The following PREX1 variants were observed in gnomAD, a reference collection of about 807,000 sequenced individuals.
The protein encoded by PREX1 is phosphatidylinositol-3,4,5-trisphosphate dependent Rac exchange factor 1.
Under a neutral mutation model 198.3 loss-of-function variants are expected in PREX1, and 41 were observed. The ratio of observed to expected loss-of-function variants is 0.21; its 90% CI spans 0.16 to 0.27. PREX1 has a LOEUF of 0.27. PREX1 is among the 10% of genes least tolerant of loss of function. The probability of loss-of-function intolerance (pLI) is 1.00; values close to 1 mark genes in which losing one functional copy is unlikely to be tolerated. For synonymous variants in PREX1, 843 were observed against 887.2 expected (o/e 0.95, Z 0.89); for missense variants, 1,620 against 2,200.7 (o/e 0.74, Z 5.28).
At chr20:48,813,421 G>A (rs1013604090) in intron 1 of PREX1, among the ~76,000 whole-genome samples, 9 of 152,224 alleles carry the variant, frequency 5.9e-5, no homozygotes, top group Non-Finnish European at 1.0e-4. Context: ...GTGGGGATGG[G>A]CGAGGAGATG....
At chr20:48,857,136 G>T in the PREX1 span, among the ~76,000 whole-genome samples, 1 of 152,184 alleles carries the variant, frequency 6.6e-6, no homozygotes, top group East Asian at 1.9e-4. Flanking sequence ...ACGGTGCCCA[G>T]CCTACCCCTA....
chr20:48,642,223 G>A lies in PREX1; in HGVS notation c.3720C>T (p.Val1240=), dbSNP rs78552395. 4.7e-3 allele frequency: 7,598 copies of A among 1,614,232 alleles called. 211 individuals are homozygous for A. The East Asian group carries it at 0.079, about 17-fold the overall frequency. The change falls in exon 29 of 40, where the codon GTC becomes GTT. Residue 1240 remains valine, a synonymous_variant. Transcript: ENST00000371941. Reference sequence around the variant, plus strand: ...TGGTCTCTTCGAAAGCCCGGCTCATGACTGGCCCCTTGAGGAGAGCATTGA... The same window carrying A: ...TGGTCTCTTCGAAAGCCCGGCTCATAACTGGCCCCTTGAGGAGAGCATTGA... ...DSINALLKGP[V]MSRAFEETKH...
chr20:48,632,459 C>T, intron 34 of PREX1, 37 bp downstream of exon 34: 1 of 1,613,466 alleles, frequency 6.2e-7, no homozygotes, highest in Non-Finnish European at 8.5e-7. Flanking sequence ...CTTGGCCCGG[C>T]CCCCGTGGTC....
intron 5 of PREX1, among the ~76,000 whole-genome samples, chr20:48,722,434 T>C (rs2089990376): frequency 1.3e-5 from 2 of 152,144 alleles, no homozygotes; most frequent in East Asian, 1.9e-4. Context: ...AGTAGACAAG[T>C]GGTCGGCAGG....
intron 15 of PREX1, among the ~76,000 whole-genome samples, chr20:48,662,712 A>C (rs1459037983): frequency 6.6e-6 from 1 of 152,104 alleles, no homozygotes; most frequent in African/African-American, 2.4e-5. Context: ...CCTGCACCTC[A>C]CCCTGTATTT....
chr20:48,865,454 A>G, the PREX1 span, among the ~76,000 whole-genome samples: 1 of 152,188 alleles, frequency 6.6e-6, no homozygotes, highest in African/African-American at 2.4e-5. Flanking sequence ...GTCTCCATGT[A>G]TTGCAATTGA....
chr20:48,800,581 C>G (rs2090382003), intron 1 of PREX1, among the ~76,000 whole-genome samples: 1 of 152,176 alleles, frequency 6.6e-6, no homozygotes, highest in South Asian at 2.1e-4. Flanking sequence ...CTTTCCCTCC[C>G]TCATGTCACA....
intron 1 of PREX1, among the ~76,000 whole-genome samples, chr20:48,760,362 T>A (rs1377932942): frequency 6.6e-6 from 1 of 152,066 alleles, no homozygotes; most frequent in Non-Finnish European, 1.5e-5. Context: ...ACTGCCTGCT[T>A]CCGAGTCTCC....
At chr20:48,720,685 C>T (rs897774779) in intron 5 of PREX1, among the ~76,000 whole-genome samples, 7 of 152,052 alleles carry the variant, frequency 4.6e-5, no homozygotes, top group Admixed American at 4.6e-4. Flanking sequence ...GTCCATGCTC[C>T]GGGAAACACG....
At chr20:48,648,576 A>G (rs995202133) in intron 25 of PREX1, among the ~76,000 whole-genome samples, 1 of 152,176 alleles carries the variant, frequency 6.6e-6, no homozygotes, top group African/African-American at 2.4e-5. Flanking sequence ...CCTCAATACC[A>G]TCAAGCACCC....
At chr20:48,870,379 C>G in the PREX1 span, among the ~76,000 whole-genome samples, 1 of 152,214 alleles carries the variant, frequency 6.6e-6, no homozygotes, top group East Asian at 1.9e-4. Flanking sequence ...TGTTGAGTGA[C>G]TCGCCTCAAG....
the PREX1 span, among the ~76,000 whole-genome samples, chr20:48,878,589 C>T: frequency 6.6e-6 from 1 of 152,220 alleles, no homozygotes; most frequent in Non-Finnish European, 1.5e-5. Flanking sequence ...CCATCCGCCT[C>T]AGCCTCCCAA....
chr20:48,870,059 A>G, the PREX1 span, among the ~76,000 whole-genome samples: 49 of 152,266 alleles, frequency 3.2e-4, no homozygotes, highest in Middle Eastern at 0.01. Context: ...CCTCCTACAT[A>G]TATATTTTTC....
chr20:48,747,947 A>C, intron 1 of PREX1, 67 bp from the exon 2 acceptor site: 5 of 1,422,324 alleles, frequency 3.5e-6, no homozygotes, highest in Non-Finnish European at 4.9e-6. Flanking sequence ...GGCCCTACAG[A>C]AGGCTCTCAA....
chr20:48,874,318 CTGT>C, the PREX1 span, among the ~76,000 whole-genome samples: 75 of 151,648 alleles, frequency 4.9e-4, 1 homozygote, highest in Admixed American at 4.7e-3. Flanking sequence ...ACCACAAAAC[CTGT>C]TGTTATCAGC....
intron 27 of PREX1, 77 bp from the exon 28 acceptor site, chr20:48,642,566 G>T: frequency 7.7e-7 from 1 of 1,300,338 alleles, no homozygotes; most frequent in Non-Finnish European, 1.1e-6. Context: ...TCCTAAGAGG[G>T]GGATACAGCT....
At chr20:48,784,823 G>C (rs1236335919) in intron 1 of PREX1, among the ~76,000 whole-genome samples, 1 of 152,170 alleles carries the variant, frequency 6.6e-6, no homozygotes, top group Non-Finnish European at 1.5e-5. Flanking sequence ...ACAGCTCCCT[G>C]TGTGTAGCCA....
At chr20:48,865,986 G>A in the PREX1 span, among the ~76,000 whole-genome samples, 1 of 144,640 alleles carries the variant, frequency 6.9e-6, no homozygotes, top group Non-Finnish European at 1.5e-5. Flanking sequence ...ATCTCACTCT[G>A]TTGCCCTGCT....
chr20:48,790,821 A>G (rs2090335701), intron 1 of PREX1, among the ~76,000 whole-genome samples: 1 of 152,138 alleles, frequency 6.6e-6, no homozygotes, highest in African/African-American at 2.4e-5. Context: ...CAAGTCCCAC[A>G]GCCCAGCCCT....
Sources: allele counts gnomAD v4.1 joint callset (sites outside exome capture counted in the v4.1 genomes callset), GRCh38; gene constraint gnomAD v4.1.1; transcripts MANE v1.5; gene names NCBI Gene and HGNC (gene_info 2026-07-23, HGNC 2026-07-21).